Variants in MEP1A observed in about 807,000 individuals in gnomAD.
The protein encoded by MEP1A is meprin A subunit alpha, also known as N-benzoyl-L-tyrosyl-P-amino-benzoic acid hydrolase subunit alpha.
In MEP1A, 68 loss-of-function variants were observed where a neutral mutation model predicts 84.5. The ratio of observed to expected loss-of-function variants is 0.80; its 90% CI spans 0.66 to 0.98. The LOEUF is 0.98. Ranked by LOEUF, MEP1A falls within the 50% of genes least tolerant of loss-of-function variation. The pLI is 0.00. For missense variants in MEP1A, 887 were observed against 919.9 expected (o/e 0.96, Z 0.46); for synonymous variants, 337 against 336.8 (o/e 1.00, Z -0.01).
At chr6:46,816,294 C>A (rs1384264307) in intron 6 of MEP1A, among the ~76,000 whole-genome samples, 2 of 152,130 alleles carry the variant, frequency 1.3e-5, no homozygotes, top group Non-Finnish European at 2.9e-5. Context: ...ACACCTACTA[C>A]ATTCCAGGAA....
chr6:46,837,507 G>A (rs1768240110), intron 13 of MEP1A, among the ~76,000 whole-genome samples: 1 of 152,132 alleles, frequency 6.6e-6, no homozygotes, highest in Admixed American at 6.5e-5. Flanking sequence ...CTTTTACTGG[G>A]GAAGGCCCAT....
At chr6:46,806,718 C>T (rs749018715) in intron 5 of MEP1A, among the ~76,000 whole-genome samples, 6 of 152,132 alleles carry the variant, frequency 3.9e-5, no homozygotes, top group Admixed American at 3.3e-4. Flanking sequence ...CTTCATCTAC[C>T]ATGACTTTCC....
intron 13 of MEP1A, among the ~76,000 whole-genome samples, chr6:46,837,356 G>C (rs1768236822): frequency 6.6e-6 from 1 of 152,162 alleles, no homozygotes; most frequent in Admixed American, 6.5e-5. Context: ...AGCTCTTCCA[G>C]GTTGGCTCCT....
chr6:46,805,478 C>CT (rs1183008824), intron 5 of MEP1A, among the ~76,000 whole-genome samples: 2 of 151,814 alleles, frequency 1.3e-5, no homozygotes, highest in Non-Finnish European at 2.9e-5. Flanking sequence ...GCTCTGTTAA[C>CT]CCATTTTAAA....
intron 13 of MEP1A, among the ~76,000 whole-genome samples, chr6:46,837,850 A>G (rs1377118583): frequency 6.6e-6 from 1 of 152,104 alleles, no homozygotes; most frequent in Non-Finnish European, 1.5e-5. Context: ...GAGGCCTTGG[A>G]AGGTAAAATC....
At chr6:46,812,648 G>A (rs1767533506) in intron 6 of MEP1A, among the ~76,000 whole-genome samples, 1 of 151,912 alleles carries the variant, frequency 6.6e-6, no homozygotes, top group African/African-American at 2.4e-5. Flanking sequence ...TATCCCAGAG[G>A]TTTTGATAGG....
chr6:46,829,480 G>C lies in MEP1A; in HGVS notation c.1053G>C (p.Thr351=). 6.2e-7 allele frequency: 1 copy of C among 1,614,154 alleles called. No homozygotes were observed. Among genetic ancestry groups the C allele is most frequent in the Non-Finnish European group, 8.5e-7 (1 of 1,180,020 alleles). The part of the protein sequence containing the change: ...QQCLQFFYKM[T]GSPSDRLVVW... ...GCCTGCAATTTTTCTATAAAATGAC[G>C]GGAAGTCCTTCAGACAGACTCGTTG... Residue 351 remains threonine (T), a synonymous_variant, in exon 10 of 14, where the codon ACG becomes ACC. Transcript: ENST00000230588.
At chr6:46,808,560 T>C (rs542441789) in intron 5 of MEP1A, among the ~76,000 whole-genome samples, 4 of 152,204 alleles carry the variant, frequency 2.6e-5, no homozygotes, top group African/African-American at 9.6e-5. Context: ...GATGGGAGGG[T>C]AAAATGCACA....
chr6:46,814,457 C>G (rs541076039), intron 6 of MEP1A, among the ~76,000 whole-genome samples: 2 of 152,098 alleles, frequency 1.3e-5, no homozygotes, highest in African/African-American at 2.4e-5. Context: ...ATATTCTCAT[C>G]ATGTTTTTGA....
At chr6:46,817,718 CT>C (rs1356756746) in intron 6 of MEP1A, among the ~76,000 whole-genome samples, 4 of 152,282 alleles carry the variant, frequency 2.6e-5, no homozygotes, top group African/African-American at 7.2e-5. Context: ...GTTCTCCCAA[CT>C]TCTTTTTTTG....
At chr6:46,804,480 T>C (rs1307611803) in intron 5 of MEP1A, among the ~76,000 whole-genome samples, 2 of 148,040 alleles carry the variant, frequency 1.4e-5, no homozygotes, top group Non-Finnish European at 3.0e-5. Flanking sequence ...ATTTCGTCTA[T>C]CCATCCCAAT....
chr6:46,806,207 G>T (rs193225601), intron 5 of MEP1A, among the ~76,000 whole-genome samples: 26 of 152,026 alleles, frequency 1.7e-4, no homozygotes, highest in African/African-American at 5.1e-4. Flanking sequence ...TCTCTTTCTA[G>T]TTATTGCTTT....
At chr6:46,833,040 C>A in intron 10 of MEP1A, 34 bp from the exon 11 acceptor site, 1 of 1,257,076 alleles carries the variant, frequency 8.0e-7, no homozygotes, top group South Asian at 1.5e-5. Context: ...AAGTGTTGGT[C>A]ACAGTTCTCA....
At chr6:46,825,748 C>T (rs934319896) in intron 8 of MEP1A, among the ~76,000 whole-genome samples, 2 of 152,128 alleles carry the variant, frequency 1.3e-5, no homozygotes, top group Non-Finnish European at 2.9e-5. Flanking sequence ...AGCAACCTTA[C>T]AGGATGGTTA....
At chr6:46,832,891 C>A (rs929312217) in intron 10 of MEP1A, among the ~76,000 whole-genome samples, 183 bp from the exon 11 acceptor site, 3 of 152,036 alleles carry the variant, frequency 2.0e-5, no homozygotes, top group African/African-American at 7.2e-5. Flanking sequence ...ACAATTTTTC[C>A]TTATTAGGTA....
chr6:46,826,269 A>C, intron 8 of MEP1A, 85 bp from the exon 9 acceptor site: 1 of 1,234,890 alleles, frequency 8.1e-7, no homozygotes, highest in South Asian at 1.8e-5. Flanking sequence ...ATATCTGAAC[A>C]ATGAGGTTTT....
At chr6:46,807,516 G>A (rs146652505) in intron 5 of MEP1A, among the ~76,000 whole-genome samples, 3 of 20,432 alleles carry the variant, frequency 1.5e-4, no homozygotes, top group Admixed American at 1.6e-3. Context: ...CTGAAATAAA[G>A]AAAGAAAGAA....
downstream of MEP1A, among the ~76,000 whole-genome samples, chr6:46,844,673 C>T (rs533029187): frequency 5.9e-5 from 9 of 152,236 alleles, no homozygotes; most frequent in African/African-American, 2.2e-4. Flanking sequence ...CAGATACCAG[C>T]CCCCAACAAA....
chr6:46,824,200 A>T (rs1018546392), intron 7 of MEP1A, among the ~76,000 whole-genome samples: 1 of 152,012 alleles, frequency 6.6e-6, no homozygotes, highest in African/African-American at 2.4e-5. Flanking sequence ...TTTTCCTGTC[A>T]TTTGGAATAC....
Sources: allele counts gnomAD v4.1 joint callset (sites outside exome capture counted in the v4.1 genomes callset), GRCh38; gene constraint gnomAD v4.1.1; transcripts MANE v1.5; gene names NCBI Gene and HGNC (gene_info 2026-07-23, HGNC 2026-07-21).